Variants in GRM8 observed in about 807,000 individuals in gnomAD.
The protein encoded by GRM8 is metabotropic glutamate receptor 8.
A neutral mutation model predicts 87.2 loss-of-function variants in GRM8; 47 were observed. The observed-to-expected ratio is 0.54, with a 90% CI of 0.43 to 0.69. The LOEUF is 0.69. GRM8 is among the 30% of genes least tolerant of loss of function. The pLI is 0.00. For synonymous variants in GRM8, 396 were observed against 404.5 expected (o/e 0.98, Z 0.25); for missense variants, 1,019 against 1,139.2 (o/e 0.89, Z 1.52).
chr7:127,018,783 G>T (rs1815969192), intron 3 of GRM8, among the ~76,000 whole-genome samples: 1 of 151,864 alleles, frequency 6.6e-6, no homozygotes, highest in South Asian at 2.1e-4. Context: ...CAGGTTGGAA[G>T]TGGATCAGTC....
At chr7:127,220,725 G>GTAC (rs1305375482) in intron 2 of GRM8, among the ~76,000 whole-genome samples, 1 of 152,214 alleles carries the variant, frequency 6.6e-6, no homozygotes, top group East Asian at 1.9e-4. Context: ...CTGGGCTCAA[G>GTAC]TACTCCCCCT....
chr7:127,156,532 G>C (rs1792743222), intron 2 of GRM8, among the ~76,000 whole-genome samples: 1 of 152,154 alleles, frequency 6.6e-6, no homozygotes, highest in Non-Finnish European at 1.5e-5. Flanking sequence ...ACAGGCTTTG[G>C]TGATATGAAC....
intron 2 of GRM8, among the ~76,000 whole-genome samples, chr7:127,129,559 A>C (rs769889196): frequency 5.3e-5 from 8 of 152,166 alleles, no homozygotes; most frequent in Non-Finnish European, 8.8e-5. Context: ...CCTCATCTAG[A>C]CATGACACAG....
chr7:126,860,380 A>G (rs1331609529), intron 6 of GRM8, among the ~76,000 whole-genome samples: 1 of 152,122 alleles, frequency 6.6e-6, no homozygotes, highest in Middle Eastern at 3.2e-3. Flanking sequence ...GAAGCTATTA[A>G]TAGACTATTG....
chr7:126,507,747 TTA>T (rs1248621362), intron 9 of GRM8, among the ~76,000 whole-genome samples: 34 of 152,124 alleles, frequency 2.2e-4, no homozygotes, highest in Non-Finnish European at 4.3e-4. Context: ...ACATCTGCTC[TTA>T]TTAACAATTC....
chr7:127,089,768 C>T (rs1362092034), intron 3 of GRM8, among the ~76,000 whole-genome samples: 1 of 152,162 alleles, frequency 6.6e-6, no homozygotes, highest in Admixed American at 6.5e-5. Context: ...GAATAGAGCT[C>T]ATCTAACACT....
intron 2 of GRM8, among the ~76,000 whole-genome samples, chr7:127,171,271 C>T (rs1327639770): frequency 2.6e-5 from 4 of 152,146 alleles, no homozygotes; most frequent in Non-Finnish European, 4.4e-5. Flanking sequence ...GAGATAGAAT[C>T]TATTCCTGGT....
intron 3 of GRM8, among the ~76,000 whole-genome samples, chr7:127,005,565 G>A (rs1243945670): frequency 6.6e-6 from 1 of 151,622 alleles, no homozygotes; most frequent in African/African-American, 2.4e-5. Flanking sequence ...GAGTGACTCT[G>A]CCAAGCATGA....
chr7:127,209,293 AG>A (rs1342651520), intron 2 of GRM8, among the ~76,000 whole-genome samples: 1 of 152,234 alleles, frequency 6.6e-6, no homozygotes, highest in Non-Finnish European at 1.5e-5. Flanking sequence ...GTACGAAATC[AG>A]GAAGGAACCT....
intron 7 of GRM8, among the ~76,000 whole-genome samples, chr7:126,632,390 T>C (rs1454997595): frequency 6.6e-6 from 1 of 152,110 alleles, no homozygotes; most frequent in Non-Finnish European, 1.5e-5. Context: ...CAACAGATGC[T>C]TGTGAGGTTG....
At chr7:127,100,537 G>T (rs994867439) in intron 3 of GRM8, among the ~76,000 whole-genome samples, 6 of 152,194 alleles carry the variant, frequency 3.9e-5, no homozygotes, top group African/African-American at 1.4e-4. Flanking sequence ...TGAGTAATTT[G>T]TAAAGGAAAC....
intron 6 of GRM8, among the ~76,000 whole-genome samples, chr7:126,872,073 T>A (rs1799148598): frequency 6.6e-6 from 1 of 152,158 alleles, no homozygotes; most frequent in South Asian, 2.1e-4. Flanking sequence ...TGTCTATAAG[T>A]GATCTGGGTG....
At chr7:126,947,197 A>T (rs1188571110) in intron 3 of GRM8, among the ~76,000 whole-genome samples, 1 of 152,238 alleles carries the variant, frequency 6.6e-6, no homozygotes, top group Non-Finnish European at 1.5e-5. Flanking sequence ...CAAATTGTCC[A>T]TTAACTTGTG....
chr7:126,951,652 C>T lies in GRM8; in HGVS notation c.728-46969G>A, dbSNP rs76669561. ...GAATTTAGTCAGTAAATATGTTTCT[C>T]GCAGGGGCATAGGATAGCAATTCTA... is the stretch of plus-strand genomic sequence containing the variant. On this transcript the variant is annotated intron_variant, in intron 3 of 10. Coordinates refer to ENST00000339582, the MANE Select transcript of GRM8 (RefSeq NM_000845.3). 7.7e-4 allele frequency among the ~76,000 whole-genome samples: 117 copies of T among 152,014 alleles called. 2 individuals are homozygous for T. The East Asian group carries it at 0.018, about 23-fold the overall frequency.
intron 2 of GRM8, among the ~76,000 whole-genome samples, chr7:127,198,750 AC>A (rs2116539186): frequency 6.6e-6 from 1 of 151,308 alleles, no homozygotes; most frequent in Admixed American, 6.6e-5. Flanking sequence ...ATCATAGCTC[AC>A]TGTAACCTCA....
At chr7:127,047,072 A>G (rs1320469835) in intron 3 of GRM8, among the ~76,000 whole-genome samples, 1 of 152,224 alleles carries the variant, frequency 6.6e-6, no homozygotes, top group Non-Finnish European at 1.5e-5. Flanking sequence ...TTTAGCAACA[A>G]TATACATTGG....
intron 7 of GRM8, among the ~76,000 whole-genome samples, chr7:126,734,751 C>T (rs17150172): frequency 0.33 from 49,409 of 151,728 alleles, 8,658 homozygotes; most frequent in Non-Finnish European, 0.38. Flanking sequence ...TAGTTTAAAA[C>T]GAATTTCCCA....
chr7:126,758,108 G>A (rs1371469979), intron 7 of GRM8, among the ~76,000 whole-genome samples: 1 of 152,080 alleles, frequency 6.6e-6, no homozygotes, highest in Non-Finnish European at 1.5e-5. Flanking sequence ...GAAATCTAAG[G>A]CATGTAAAGG....
chr7:126,691,598 C>T (rs1223234051), intron 7 of GRM8, among the ~76,000 whole-genome samples: 8 of 152,154 alleles, frequency 5.3e-5, no homozygotes, highest in Admixed American at 1.3e-4. Context: ...CCAGACAGGC[C>T]GTTGCTGTTA....
Sources: gnomAD v4.1 joint callset for allele counts (sites outside exome capture counted in the v4.1 genomes callset) on GRCh38, gnomAD v4.1.1 for gene constraint, MANE v1.5 for transcripts, NCBI Gene and HGNC (gene_info 2026-07-23, HGNC 2026-07-21) for gene names.